SIDT2: variants seen among roughly 807,000 people sequenced by gnomAD.
SIDT2 encodes the protein SID1 transmembrane family, member 2.
Under a neutral mutation model 114.4 loss-of-function variants are expected in SIDT2, and 68 were observed. The observed-to-expected ratio is 0.59, with a 90% CI of 0.49 to 0.73. The LOEUF (loss-of-function observed/expected upper bound fraction) is 0.73. Among genes scored for constraint, SIDT2 ranks in the 30% least tolerant of loss-of-function variants. The probability of loss-of-function intolerance (pLI) is 0.00; values close to 1 mark genes in which losing one functional copy is unlikely to be tolerated. For synonymous variants in SIDT2, 470 were observed against 438.4 expected, an observed-to-expected ratio of 1.07 and a Z score of -0.90; for missense variants, 918 against 1,097.1, an observed-to-expected ratio of 0.84 and a Z score of 2.31.
intron 8 of SIDT2, among the ~76,000 whole-genome samples, chr11:117,185,616 G>A (rs887806534): frequency 7.9e-5 from 12 of 152,118 alleles, no homozygotes; most frequent in Admixed American, 1.3e-4. Context: ...GGTGGCTCAC[G>A]CCTATAATCC....
intron 10 of SIDT2, chr11:117,187,141 C>T: frequency 8.1e-7 from 1 of 1,228,744 alleles, no homozygotes; most frequent in Non-Finnish European, 1.1e-6. Context: ...TGTTCTTGAA[C>T]TTTCTCTCTC....
chr11:117,195,699 TG>T, intron 24 of SIDT2, 102 bp from the exon 25 acceptor site: 1 of 1,174,028 alleles, frequency 8.5e-7, no homozygotes, highest in Non-Finnish European at 1.3e-6. Flanking sequence ...CTGTCCTGCC[TG>T]GGGCTGGAGA....
At position 117,184,068 on chromosome 11, in the gene SIDT2, T is replaced by C. The variant is rs982601812; in HGVS notation, c.803-6T>C. 5 of 1,614,168 alleles carry C rather than the reference T, an allele frequency of 3.1e-6. No homozygotes were observed. In the Admixed American group the frequency reaches 5.0e-5, roughly 16 times the overall value. On this transcript the variant is annotated splice_region_variant and splice_polypyrimidine_tract_variant and intron_variant, in intron 7 of 25. Transcript: ENST00000324225. ...CTAGTTTACCACTTTGACATTTTAC[T>C]TCCAGATGAACCGGTCGATCAAGGG... is the stretch of plus-strand genomic sequence containing the variant.
chr11:117,186,372 G>T (rs1011211329), intron 9 of SIDT2, 149 bp downstream of exon 9: 19 of 830,582 alleles, frequency 2.3e-5, no homozygotes, highest in Non-Finnish European at 3.3e-5. Context: ...TGGCCCATGA[G>T]CCTCTCTAGA....
In SIDT2 at chr11:117,190,521, C is replaced by T; in HGVS notation, c.1618-102C>T. On this transcript the variant is annotated intron_variant, in intron 17 of 25. Transcript: ENST00000324225. The surrounding 1 kb of genome is among the most constrained non-coding windows in gnomAD (Gnocchi z 4.1). ...ACACCCACACTCGACACATACCCCA[C>T]CCCTTTTCCTCTTCCACTCCTCTTA... 1 of 1,150,402 alleles carries T rather than the reference C, an allele frequency of 8.7e-7. No individual in the cohort carries two copies. The highest frequency in any genetic ancestry group is 1.2e-6 in the Non-Finnish European group (1 of 801,146). The allele number at this position is 1,150,402 out of a possible 1,614,324, so 71.3% of individuals were successfully genotyped here. A position where few individuals can be genotyped will look rare whatever the true frequency, so the allele number is the denominator to read the frequency against.
rs181353159 is a variant in SIDT2, at chr11:117,184,670, T to C, written c.868+531T>C. Among the ~76,000 whole-genome samples the C allele has an allele frequency of 2.0e-5, 3 of 152,232 alleles. No homozygotes were observed. The East Asian group carries it at 5.8e-4, about 29-fold the overall frequency. Reference sequence around the variant, plus strand: ...GCCCCTACTCAGTGCTCAATAAATATTTACTGAATGATTAAATGGGGCCCT... The same window carrying C: ...GCCCCTACTCAGTGCTCAATAAATACTTACTGAATGATTAAATGGGGCCCT... On this transcript the variant is annotated intron_variant, in intron 8 of 25. Transcript: ENST00000324225.
intron 24 of SIDT2, among the ~76,000 whole-genome samples, chr11:117,195,209 T>C (rs1461826458): frequency 6.6e-6 from 1 of 151,510 alleles, no homozygotes; most frequent in African/African-American, 2.4e-5. Context: ...ATGCACTCAT[T>C]TGGGAGCCAG....
intron 12 of SIDT2, chr11:117,187,955 G>A (rs377501238): frequency 6.0e-6 from 4 of 664,934 alleles, no homozygotes; most frequent in South Asian, 3.0e-5. Context: ...ATTGCCATGG[G>A]TAGACCTGGG....
In SIDT2 at chr11:117,182,506, C is replaced by T; in HGVS notation, c.517-13C>T. 1 of 1,612,236 alleles carries T rather than the reference C, an allele frequency of 6.2e-7. No individual in the cohort carries two copies. The highest frequency in any genetic ancestry group is 8.5e-7 in the Non-Finnish European group (1 of 1,178,270). On this transcript the variant is annotated splice_polypyrimidine_tract_variant and intron_variant, in intron 4 of 25. Coordinates refer to ENST00000324225, the MANE Select transcript of SIDT2 (RefSeq NM_001040455.2). ...CATGAGATGGGGCTCTCCCTTCCTT[C>T]CTGCACCCTCAGTACTTCAAGTATG... is the stretch of plus-strand genomic sequence containing the variant.
Position 117,182,757 on chromosome 11 carries a change from T to TCAA in SIDT2, c.655_656insACA (p.Phe218_Ile219insAsn). 1 of 1,614,218 alleles carries TCAA rather than the reference T, an allele frequency of 6.2e-7. No individual in the cohort carries two copies. The highest frequency in any genetic ancestry group is 8.5e-7 in the Non-Finnish European group (1 of 1,180,026). ...TATGACCTGGACAACAACGTAGCCT[T>TCAA]CATCGGCATGTACCAGACGATGACC... is the stretch of plus-strand genomic sequence containing the variant. On this transcript the variant is annotated inframe_insertion, in exon 6 of 26. Coordinates refer to ENST00000324225, the MANE Select transcript of SIDT2 (RefSeq NM_001040455.2).
In SIDT2 at chr11:117,188,229, A is replaced by G; in HGVS notation, c.1160-479A>G. Reference sequence around the variant, plus strand: ...GCCTGCTTGGGGAGGGCTCACAGGCATGGGGGTCACATTCTGGCCTCTGGA... The same window carrying G: ...GCCTGCTTGGGGAGGGCTCACAGGCGTGGGGGTCACATTCTGGCCTCTGGA... On this transcript the variant is annotated intron_variant, in intron 12 of 25. Transcript: ENST00000324225. The surrounding 1 kb of genome is among the most constrained non-coding windows in gnomAD (Gnocchi z 4.0). 4 of 348,082 alleles carry G rather than the reference A, an allele frequency of 1.1e-5. No individual in the cohort carries two copies. The highest frequency in any genetic ancestry group is 6.7e-5 in the South Asian group (3 of 44,596). The allele number at this position is 348,082 out of a possible 1,614,324, so 21.6% of individuals were successfully genotyped here.
Position 117,192,180 on chromosome 11 carries a change from G to GCC in SIDT2, c.1873-71_1873-70dup. On this transcript the variant is annotated intron_variant, in intron 19 of 25. Transcript: ENST00000324225. The surrounding 1 kb of genome is among the most constrained non-coding windows in gnomAD (Gnocchi z 5.9). ...GAGTCCCAGCCTGGCTGAGCAGCCA[G>GCC]CCCCAGGAAGGGTGGGCCATCCGAG... 2 of 1,488,496 alleles carry GCC rather than the reference G, an allele frequency of 1.3e-6. No homozygotes were observed. Among genetic ancestry groups the GCC allele is most frequent in the Non-Finnish European group, 1.9e-6 (2 of 1,070,502 alleles). 92.2% of individuals were successfully genotyped at this position (1,488,496 alleles called of 1,614,324 possible). A position where few individuals can be genotyped will look rare whatever the true frequency, so the allele number is the denominator to read the frequency against.
Position 117,192,022 on chromosome 11 carries a change from C to T in SIDT2, c.1872+8C>T, listed in dbSNP as rs746307963. ...TTCTCTGTGCTGGGCGTGGTGAGGG[C>T]CTGACCTGCTCTGCTCAGCCTGTAT... On this transcript the variant is annotated splice_region_variant and intron_variant, in intron 19 of 25. Transcript: ENST00000324225. The surrounding 1 kb of genome is among the most constrained non-coding windows in gnomAD (Gnocchi z 5.9). The T allele has an allele frequency of 1.2e-5, 19 of 1,613,894 alleles. No individual in the cohort carries two copies. The East Asian group carries it at 4.0e-4, about 34-fold the overall frequency.
At position 117,192,407 on chromosome 11, in the gene SIDT2, G is replaced by T. The variant is rs748053550; in HGVS notation, c.1981+45G>T. The T allele has an allele frequency of 7.6e-5, 109 of 1,436,452 alleles. 1 individual carries two copies. The highest frequency in any genetic ancestry group is 7.8e-5 in the Non-Finnish European group (80 of 1,022,980). The allele number at this position is 1,436,452 out of a possible 1,614,324, so 89.0% of individuals were successfully genotyped here. A position where few individuals can be genotyped will look rare whatever the true frequency, so the allele number is the denominator to read the frequency against. ...AGGGCCTGGGGGAGGGGTCTGGGGGGCCTTGGGAACCCGGACGCACGGGAG... is the reference window on the plus strand; with the variant it reads ...AGGGCCTGGGGGAGGGGTCTGGGGGTCCTTGGGAACCCGGACGCACGGGAG... On this transcript the variant is annotated intron_variant, in intron 20 of 25. Coordinates refer to ENST00000324225, the MANE Select transcript of SIDT2 (RefSeq NM_001040455.2). The surrounding 1 kb of genome is among the most constrained non-coding windows in gnomAD (Gnocchi z 5.9).
At position 117,192,546 on chromosome 11, in the gene SIDT2, T is replaced by C; in HGVS notation, c.1982-28T>C. ...CCAGCAAAGGAGGGTGCCCCGTGCC[T>C]GTCAGCACCACTCCCTTCTCTTCGC... On this transcript the variant is annotated intron_variant, in intron 20 of 25. Transcript: ENST00000324225. The surrounding 1 kb of genome is among the most constrained non-coding windows in gnomAD (Gnocchi z 5.9). The C allele has an allele frequency of 1.9e-6, 3 of 1,605,416 alleles. No individual in the cohort carries two copies. Among genetic ancestry groups the C allele is most frequent in the South Asian group, 1.1e-5 (1 of 91,072 alleles).
chr11:117,184,593 G>C (rs563640687), intron 8 of SIDT2, among the ~76,000 whole-genome samples: 7 of 152,278 alleles, frequency 4.6e-5, no homozygotes, highest in African/African-American at 1.4e-4. Flanking sequence ...ATCTCACTAA[G>C]TTATGAGGGC....
rs965286153 is a variant in SIDT2, at chr11:117,178,766, C to T, written c.-498C>T. ...TCAGTGTTCGTGCGTCGGGACGGCG[C>T]GTCCGCCCGCCCTTAAAGGGCCCGC... is the stretch of plus-strand genomic sequence containing the variant. On this transcript the variant is annotated 5_prime_UTR_variant, in exon 1 of 26. Coordinates refer to ENST00000324225, the MANE Select transcript of SIDT2 (RefSeq NM_001040455.2). 1.3e-5 allele frequency: 2 copies of T among 156,474 alleles called. No individual in the cohort carries two copies. The highest frequency in any genetic ancestry group is 2.4e-5 in the African/African-American group (1 of 41,504). The allele number at this position is 156,474 out of a possible 1,614,324, so 9.7% of individuals were successfully genotyped here.
rs2030480513 is a variant in SIDT2, at chr11:117,185,991, G to A, written c.869-139G>A. 4.6e-6 allele frequency: 3 copies of A among 654,686 alleles called. No individual in the cohort carries two copies. The East Asian group carries it at 8.2e-5, about 18-fold the overall frequency. 40.6% of individuals were successfully genotyped at this position (654,686 alleles called of 1,614,324 possible). On this transcript the variant is annotated intron_variant, in intron 8 of 25. Coordinates refer to ENST00000324225, the MANE Select transcript of SIDT2 (RefSeq NM_001040455.2). The stretch of plus-strand genomic sequence containing the variant: ...AGAGGAACTGCCAGTTGTTCATACT[G>A]GCTAGGCAGGGCCTTACATTTGAGG...
At chr11:117,194,032 G>T in intron 24 of SIDT2, 69 bp downstream of exon 24, 2 of 1,282,174 alleles carry the variant, frequency 1.6e-6, no homozygotes, top group Non-Finnish European at 2.2e-6. Flanking sequence ...CATTGGGGCT[G>T]AGCCTGGGAT....
Sources: allele counts gnomAD v4.1 joint callset (sites outside exome capture counted in the v4.1 genomes callset), GRCh38; gene constraint gnomAD v4.1.1; non-coding constraint Gnocchi (gnomAD v3.1); transcripts MANE v1.5; gene names NCBI Gene and HGNC (gene_info 2026-07-23, HGNC 2026-07-21).